Variants in AATK observed in about 807,000 individuals in gnomAD.
AATK encodes the protein lemur tail kinase 1.
A neutral mutation model predicts 114.3 loss-of-function variants in AATK; 91 were observed. The ratio of observed to expected loss-of-function variants is 0.80; its 90% confidence interval spans 0.67 to 0.95. The LOEUF (loss-of-function observed/expected upper bound fraction) is 0.95. Ranked by LOEUF, AATK falls within the 40% of genes least tolerant of loss-of-function variation. The pLI is 0.00. For synonymous variants in AATK, 1,075 were observed against 916.5 expected, an observed-to-expected ratio of 1.17 and a Z score of -3.12; for missense variants, 2,176 against 1,965.2, an observed-to-expected ratio of 1.11 and a Z score of -2.03.
Position 81,122,485 on chromosome 17 carries a change from C to T in AATK, c.1451G>A (p.Gly484Asp), listed in dbSNP as rs1362969050. 1.4e-6 allele frequency: 2 copies of T among 1,457,866 alleles called. No homozygotes were observed. Among genetic ancestry groups the T allele is most frequent in the Non-Finnish European group, 9.1e-7 (1 of 1,100,344 alleles). 90.3% of individuals were successfully genotyped at this position (1,457,866 alleles called of 1,614,324 possible). ...GGCCGGGAAGGCCTCCGCGCCGCGG[C>T]CCGCCTCCCACTTGTACTCAAAATT... Reference protein sequence around the residue: ...GLNFEYKWEAGRGAEAFPATL... With the variant: ...GLNFEYKWEADRGAEAFPATL... The change falls in exon 11 of 14, where the codon GGC becomes GAC. Residue 484 changes from glycine (G) to aspartate (D), a missense_variant. Gly to Asp is a moderately conservative substitution (Grantham distance 94). Transcript: ENST00000326724.
At chr17:81,148,976 C>T (rs1005104343) in intron 1 of AATK, among the ~76,000 whole-genome samples, 1 of 152,120 alleles carries the variant, frequency 6.6e-6, no homozygotes, top group African/African-American at 2.4e-5. Flanking sequence ...ACACGGAGAC[C>T]GGGGGTGGAG....
Position 81,123,304 on chromosome 17 carries a change from G to T in AATK, c.1002C>A (p.Gly334=). ...CCGAGTGCTGGGGATAGGGCTGCGT[G>T]CCCAGCTCAAAGAGCTCCCAGATGG... The part of the protein sequence containing the change: ...GVTIWELFEL[G]TQPYPQHSDQ... The change falls in exon 10 of 14, where the codon GGC becomes GGA. Residue 334 remains glycine (G), a synonymous_variant. Transcript: ENST00000326724. 1 of 1,398,960 alleles carries T rather than the reference G, an allele frequency of 7.1e-7. No individual in the cohort carries two copies. The highest frequency in any genetic ancestry group is 9.3e-7 in the Non-Finnish European group (1 of 1,075,476). 86.7% of individuals were successfully genotyped at this position (1,398,960 alleles called of 1,614,324 possible). A position where few individuals can be genotyped will look rare whatever the true frequency, so the allele number is the denominator to read the frequency against.
chr17:81,134,323 T>C (rs1371345809), intron 2 of AATK, 45 bp downstream of exon 2: 1 of 1,609,360 alleles, frequency 6.2e-7, no homozygotes, highest in Non-Finnish European at 8.5e-7. Flanking sequence ...CTACAGGCCT[T>C]GCCTGCGGGA....
intron 1 of AATK, among the ~76,000 whole-genome samples, chr17:81,138,213 GCACACATATCCACCCACA>G (rs1322478273): frequency 8.2e-5 from 11 of 133,648 alleles, no homozygotes; most frequent in African/African-American, 3.2e-4. Context: ...ACCCCCACAT[GCACACATATCCACCCACA>G]CGCACATACC....
intron 1 of AATK, among the ~76,000 whole-genome samples, chr17:81,140,900 GCCGTGGGGCCGTGGGGCCGTGGGA>G (rs1363378111): frequency 1.5e-5 from 2 of 133,568 alleles, no homozygotes; most frequent in Non-Finnish European, 3.3e-5. Context: ...TGAGCTGTGA[GCCGTGGGGCCGTGGGGCCGTGGGA>G]CCGTGGGACC....
chr17:81,139,365 ACT>A (rs1170828958), intron 1 of AATK, among the ~76,000 whole-genome samples: 3 of 151,966 alleles, frequency 2.0e-5, no homozygotes, highest in Non-Finnish European at 4.4e-5. Context: ...TTAATGCCGC[ACT>A]CTTCCCAAAT....
In AATK at chr17:81,122,325, G is replaced by A. The variant is rs769544119; in HGVS notation, c.1611C>T (p.Ala537=). 1.7e-5 allele frequency: 26 copies of A among 1,510,948 alleles called. No individual in the cohort carries two copies. Among genetic ancestry groups the A allele is most frequent in the Non-Finnish European group, 2.1e-5 (24 of 1,134,604 alleles). 93.6% of individuals were successfully genotyped at this position (1,510,948 alleles called of 1,614,324 possible). ...CAGGGTCGTGGCCGGCGGCGGGTGC[G>A]GCCTCCTCTAGGCGGATGAAGTACT... The part of the protein sequence containing the change: ...GSEYFIRLEE[A]APAAGHDPDC... Residue 537 remains alanine (A), a synonymous_variant, in exon 11 of 14, where the codon GCC becomes GCT. Coordinates refer to ENST00000326724, the MANE Select transcript of AATK (RefSeq NM_001080395.3).
At position 81,140,758 on chromosome 17, in the gene AATK, GAGCCGTGGGGCTGTGGGGCGGT is replaced by G. The variant is rs1309747683; in HGVS notation, c.56-6279_56-6258del. Among the ~76,000 whole-genome samples the G allele has an allele frequency of 2.7e-4, 29 of 105,960 alleles. No homozygotes were observed. The South Asian group carries it at 3.4e-3, about 12-fold the overall frequency. 69.5% of individuals were successfully genotyped at this position (105,960 alleles called of 152,430 possible). A position where few individuals can be genotyped will look rare whatever the true frequency, so the allele number is the denominator to read the frequency against. ...TGGGGCCGGGAGACCGTGGGGCCGT[GAGCCGTGGGGCTGTGGGGCGGT>G]GAGACCGTGGGGCCGTGAGACCGTG... On this transcript the variant is annotated intron_variant, in intron 1 of 13. Coordinates refer to ENST00000326724, the MANE Select transcript of AATK (RefSeq NM_001080395.3).
At chr17:81,127,536 G>A (rs1340121984) in intron 6 of AATK, 47 bp downstream of exon 6, 1 of 1,539,004 alleles carries the variant, frequency 6.5e-7, no homozygotes, top group Admixed American at 1.9e-5. Context: ...GCAAGGGAGG[G>A]CCCCGGCTCA....
rs1486726638 is a variant in AATK, at chr17:81,138,200, CA to C, written c.56-3700del. 3.5e-3 allele frequency among the ~76,000 whole-genome samples: 530 copies of C among 151,404 alleles called. 7 individuals carry two copies. Among genetic ancestry groups the C allele is most frequent in the South Asian group, 0.023 (111 of 4,760 alleles). Reference sequence around the variant, plus strand: ...ACCCACACATGCGTGCACACACACACACACCCCCACATGCACACATATCCAC... The same window carrying C: ...ACCCACACATGCGTGCACACACACACCACCCCCACATGCACACATATCCAC... On this transcript the variant is annotated intron_variant, in intron 1 of 13. Coordinates refer to ENST00000326724, the MANE Select transcript of AATK (RefSeq NM_001080395.3).
intron 3 of AATK, among the ~76,000 whole-genome samples, chr17:81,130,758 C>G (rs961561121): frequency 6.6e-6 from 1 of 152,208 alleles, no homozygotes; most frequent in Non-Finnish European, 1.5e-5. Context: ...ACCCCTGTCC[C>G]TGTGCATAGC....
rs776294489 is a variant in AATK, at chr17:81,122,220, C to T, written c.1716G>A (p.Leu572=). ...CGTGGCCCAGCAGCGGCTCCATGGC[C>T]AGCGAGGCGGCGGTGCTGCCGTCAG... is the stretch of plus-strand genomic sequence containing the variant. ...DDSDGSTAAS[L]AMEPLLGHGP... The change falls in exon 11 of 14, where the codon CTG becomes CTA. Residue 572 remains leucine, a synonymous_variant. Coordinates refer to ENST00000326724, the MANE Select transcript of AATK (RefSeq NM_001080395.3). 2.7e-6 allele frequency: 4 copies of T among 1,495,000 alleles called. No individual in the cohort carries two copies. In the South Asian group the frequency reaches 5.0e-5, roughly 19 times the overall value. 92.6% of individuals were successfully genotyped at this position (1,495,000 alleles called of 1,614,324 possible).
At chr17:81,155,282 A>T (rs2061346953) in intron 1 of AATK, among the ~76,000 whole-genome samples, 1 of 152,240 alleles carries the variant, frequency 6.6e-6, no homozygotes, top group African/African-American at 2.4e-5. Flanking sequence ...AGTCATCGTC[A>T]CAGTATTTCA....
rs1035416601 is a variant in AATK at position 81,120,100 on chromosome 17, G to A, written c.3736-17C>T. 2.7e-6 allele frequency: 4 copies of A among 1,464,444 alleles called. No individual in the cohort carries two copies. The highest frequency in any genetic ancestry group is 2.9e-5 in the African/African-American group (2 of 68,858). The allele number at this position is 1,464,444 out of a possible 1,614,324, so 90.7% of individuals were successfully genotyped here. A position where few individuals can be genotyped will look rare whatever the true frequency, so the allele number is the denominator to read the frequency against. On this transcript the variant is annotated splice_polypyrimidine_tract_variant and intron_variant, in intron 11 of 13. Coordinates refer to ENST00000326724, the MANE Select transcript of AATK (RefSeq NM_001080395.3). The stretch of plus-strand genomic sequence containing the variant: ...GGGGCTTTCCTGGAGGAATCAGAGA[G>A]CACCAGGTAGCTCGGCCGCCAGGAG...
chr17:81,139,161 T>C (rs1167466871), intron 1 of AATK, among the ~76,000 whole-genome samples: 2 of 152,176 alleles, frequency 1.3e-5, no homozygotes, highest in South Asian at 2.1e-4. Context: ...ACTTTACAAG[T>C]ACGAAAACTG....
In AATK at chr17:81,118,051, G is replaced by A. The variant is rs886076049; in HGVS notation, c.*351C>T. The A allele has an allele frequency of 2.6e-4, 65 of 249,374 alleles. No homozygotes were observed. Among genetic ancestry groups the A allele is most frequent in the African/African-American group, 1.4e-3 (61 of 44,916 alleles). The allele number at this position is 249,374 out of a possible 1,614,324, so 15.4% of individuals were successfully genotyped here. ...GCCGGATGGGGCATGCGGGTCCTCC[G>A]AGGCCAGGCAGGCAGGGCAGAGGGT... is the stretch of plus-strand genomic sequence containing the variant. On this transcript the variant is annotated 3_prime_UTR_variant, in exon 14 of 14. Coordinates refer to ENST00000326724, the MANE Select transcript of AATK (RefSeq NM_001080395.3).
chr17:81,143,400 G>A (rs181039755), intron 1 of AATK, among the ~76,000 whole-genome samples: 2 of 152,204 alleles, frequency 1.3e-5, no homozygotes, highest in East Asian at 3.9e-4. Context: ...TAAGTTTTCT[G>A]TGTTGGGTCC....
chr17:81,131,941 C>T (rs1343376523), intron 2 of AATK: 1 of 1,342,974 alleles, frequency 7.4e-7, no homozygotes, highest in Admixed American at 2.0e-5. Context: ...GGACCTTCAC[C>T]TGGTGGCCAC....
At position 81,117,605 on chromosome 17, in the gene AATK, G is replaced by C. The variant is rs1359373060; in HGVS notation, c.*797C>G. On this transcript the variant is annotated 3_prime_UTR_variant, in exon 14 of 14. Transcript: ENST00000326724. ...GCATGGCCCCCACTCTCCTTTGGCA[G>C]CTGGGGCACAGGACCAGATACTGCC... The C allele has an allele frequency of 6.6e-6, 1 of 152,320 alleles. No individual in the cohort carries two copies. Among genetic ancestry groups the C allele is most frequent in the African/African-American group, 2.4e-5 (1 of 41,474 alleles). 9.4% of individuals were successfully genotyped at this position (152,320 alleles called of 1,614,324 possible).
Sources: allele counts gnomAD v4.1 joint callset (sites outside exome capture counted in the v4.1 genomes callset), GRCh38; gene constraint gnomAD v4.1.1; transcripts MANE v1.5; gene names NCBI Gene and HGNC (gene_info 2026-07-23, HGNC 2026-07-21).